The following PHACTR1 variants were observed in gnomAD, a reference collection of about 807,000 sequenced individuals.
PHACTR1 encodes the protein RPEL repeat containing 1.
A neutral mutation model predicts 69.2 loss-of-function variants in PHACTR1; 16 were observed. That is an observed-to-expected ratio of 0.23 (90% CI 0.16 to 0.35). The LOEUF is 0.35. Among genes scored for constraint, PHACTR1 ranks in the 10% least tolerant of loss-of-function variants. The pLI, the probability that PHACTR1 is intolerant of heterozygous loss-of-function variation, is 1.00. For missense variants in PHACTR1, 510 were observed against 734.7 expected, an observed-to-expected ratio of 0.69 and a Z score of 3.54; for synonymous variants, 312 against 284.5, an observed-to-expected ratio of 1.10 and a Z score of -0.97.
intron 7 of PHACTR1, among the ~76,000 whole-genome samples, chr6:13,199,449 A>G (rs1418524208): frequency 6.6e-6 from 1 of 150,734 alleles, no homozygotes; most frequent in Non-Finnish European, 1.5e-5. Context: ...ATGCAGTAGA[A>G]GCCTGATCTA....
intron 5 of PHACTR1, among the ~76,000 whole-genome samples, chr6:13,103,919 A>G (rs1037694416): frequency 2.6e-5 from 4 of 152,144 alleles, no homozygotes; most frequent in African/African-American, 9.7e-5. Flanking sequence ...CCCCATCTCT[A>G]CTAAAAATAC....
At chr6:13,065,557 G>A (rs1213476152) in intron 5 of PHACTR1, among the ~76,000 whole-genome samples, 2 of 152,120 alleles carry the variant, frequency 1.3e-5, no homozygotes, top group Non-Finnish European at 2.9e-5. Flanking sequence ...TAAATGAGAG[G>A]AGAGGAGGTA....
chr6:12,805,164 G>A (rs1451168645), intron 4 of PHACTR1, among the ~76,000 whole-genome samples: 1 of 152,146 alleles, frequency 6.6e-6, no homozygotes, highest in African/African-American at 2.4e-5. Flanking sequence ...TTCTTACCAC[G>A]AAGGAAATGA....
Position 13,212,566 on chromosome 6 carries a change from C to T in PHACTR1, c.986+6430C>T, listed in dbSNP as rs1055600444. Among the ~76,000 whole-genome samples the T allele has an allele frequency of 9.9e-5, 15 of 152,178 alleles. 1 individual carries two copies. The highest frequency in any genetic ancestry group is 1.8e-4 in the Non-Finnish European group (12 of 68,038). ...ACAGGAACCATCCTTGTCTCCTCATCTGCTATGGTTTGAGCGTCTCTTCTC... is the reference window on the plus strand; with the variant it reads ...ACAGGAACCATCCTTGTCTCCTCATTTGCTATGGTTTGAGCGTCTCTTCTC... On this transcript the variant is annotated intron_variant, in intron 8 of 14. Coordinates refer to ENST00000332995, the MANE Select transcript of PHACTR1 (RefSeq NM_030948.6).
chr6:13,049,342 C>T (rs73368106), intron 4 of PHACTR1, among the ~76,000 whole-genome samples: 18,947 of 152,086 alleles, frequency 0.12, 3,364 homozygotes, highest in African/African-American at 0.4. Flanking sequence ...CAGTTATCTA[C>T]TCAGTAAGTC....
At chr6:13,042,532 G>T (rs943365619) in intron 4 of PHACTR1, among the ~76,000 whole-genome samples, 1 of 152,150 alleles carries the variant, frequency 6.6e-6, no homozygotes, top group Non-Finnish European at 1.5e-5. Context: ...TGGTTCAGTA[G>T]GTCTGAGATG....
intron 4 of PHACTR1, among the ~76,000 whole-genome samples, chr6:12,890,281 A>G (rs956792798): frequency 5.9e-5 from 9 of 152,076 alleles, no homozygotes; most frequent in Non-Finnish European, 1.3e-4. Context: ...GTCTTCCAGG[A>G]AACTGGTACC....
chr6:13,135,993 A>C (rs2127981097), intron 5 of PHACTR1, among the ~76,000 whole-genome samples: 1 of 152,332 alleles, frequency 6.6e-6, no homozygotes, highest in East Asian at 1.9e-4. Flanking sequence ...TAGTGTTTTA[A>C]TGTATACCCT....
chr6:13,060,388 G>T (rs560654022), intron 5 of PHACTR1, among the ~76,000 whole-genome samples: 3 of 152,286 alleles, frequency 2.0e-5, no homozygotes, highest in Admixed American at 6.5e-5. Flanking sequence ...GGAAATCTAT[G>T]TGTGTCTATA....
intron 3 of PHACTR1, among the ~76,000 whole-genome samples, chr6:12,721,836 G>A (rs1000528498): frequency 1.3e-5 from 2 of 152,214 alleles, no homozygotes; most frequent in Admixed American, 1.3e-4. Context: ...CAGTGAATGG[G>A]TGAAGGCCTG....
At chr6:12,870,416 A>G (rs1350319318) in intron 4 of PHACTR1, among the ~76,000 whole-genome samples, 3 of 152,156 alleles carry the variant, frequency 2.0e-5, no homozygotes, top group Non-Finnish European at 2.9e-5. Context: ...ATGTTTCATC[A>G]AGGAGATTTT....
rs1333978604 is a variant in PHACTR1, at chr6:12,751,505, G to T, written c.250+1715G>T. 6.6e-5 allele frequency among the ~76,000 whole-genome samples: 10 copies of T among 152,224 alleles called. No individual in the cohort carries two copies. The East Asian group carries it at 1.3e-3, about 20-fold the overall frequency. ...CCCTTTGCTTAGCCCAGGAGGAACA[G>T]AGCCAAAGCAGCAGTTAGTAAATGT... On this transcript the variant is annotated intron_variant, in intron 4 of 14. Coordinates refer to ENST00000332995, the MANE Select transcript of PHACTR1 (RefSeq NM_030948.6).
At chr6:12,795,469 T>C (rs912421754) in intron 4 of PHACTR1, among the ~76,000 whole-genome samples, 1 of 152,194 alleles carries the variant, frequency 6.6e-6, no homozygotes, top group South Asian at 2.1e-4. Flanking sequence ...TGCCTGTGAT[T>C]TAATGCTCCT....
At chr6:13,073,029 A>C (rs1809778220) in intron 5 of PHACTR1, among the ~76,000 whole-genome samples, 1 of 152,060 alleles carries the variant, frequency 6.6e-6, no homozygotes. Context: ...CGTCTTTTGT[A>C]GTTTATTATA....
chr6:13,065,446 T>C (rs985243854), intron 5 of PHACTR1, among the ~76,000 whole-genome samples: 1 of 151,734 alleles, frequency 6.6e-6, no homozygotes, highest in South Asian at 2.1e-4. Flanking sequence ...CTTGACAAGA[T>C]GGTGTCCGGT....
intron 4 of PHACTR1, among the ~76,000 whole-genome samples, chr6:12,835,546 A>T (rs1241502318): frequency 6.6e-6 from 1 of 152,186 alleles, no homozygotes; most frequent in African/African-American, 2.4e-5. Flanking sequence ...TTAAAAGGGT[A>T]TTCAGGAGAA....
intron 5 of PHACTR1, among the ~76,000 whole-genome samples, chr6:13,100,523 A>T (rs1814987526): frequency 6.6e-6 from 1 of 152,084 alleles, no homozygotes; most frequent in African/African-American, 2.4e-5. Context: ...TGAGTACCAC[A>T]CTGTTGCACG....
intron 3 of PHACTR1, among the ~76,000 whole-genome samples, chr6:12,728,904 C>T (rs1763136734): frequency 6.6e-6 from 1 of 152,110 alleles, no homozygotes; most frequent in Admixed American, 6.5e-5. Context: ...AAATAATAGG[C>T]TAGATGGCAC....
rs538021710 is a variant in PHACTR1 at position 13,257,226 on chromosome 6, A to G, written c.1392-15634A>G. On this transcript the variant is annotated intron_variant, in intron 10 of 14. Transcript: ENST00000332995. ...GTGCCACACACTTTTCAACAACCAG[A>G]TCTCATGAGAACTCATTCACTATCA... is the stretch of plus-strand genomic sequence containing the variant. 2.6e-5 allele frequency among the ~76,000 whole-genome samples: 4 copies of G among 152,120 alleles called. No individual in the cohort carries two copies. In the East Asian group the frequency reaches 7.7e-4, roughly 29 times the overall value.
Sources: allele counts gnomAD v4.1 joint callset (sites outside exome capture counted in the v4.1 genomes callset), GRCh38; gene constraint gnomAD v4.1.1; transcripts MANE v1.5; gene names NCBI Gene and HGNC (gene_info 2026-07-23, HGNC 2026-07-21).